Variants in ZNF207 observed in about 807,000 individuals in gnomAD.
ZNF207 encodes zinc finger protein 207, also known as BUB3-interacting and GLEBS motif-containing protein ZNF207.
Under a neutral mutation model 60.2 loss-of-function variants are expected in ZNF207, and 24 were observed. The observed-to-expected ratio is 0.40, with a 90% CI of 0.29 to 0.56. The LOEUF (loss-of-function observed/expected upper bound fraction) is 0.56, where lower values mean the gene tolerates loss of function less well. ZNF207 is among the 20% of genes least tolerant of loss of function. The pLI is 0.49. For synonymous variants in ZNF207, 236 were observed against 194.7 expected (o/e 1.21, Z -1.77); for missense variants, 452 against 636.6 (o/e 0.71, Z 3.12).
At position 32,378,994 on chromosome 17, in the gene ZNF207, A is replaced by G. The variant is rs1227543203; in HGVS notation, c.*9235A>G. 6.6e-6 allele frequency: 1 copy of G among 152,148 alleles called. No individual in the cohort carries two copies. Among genetic ancestry groups the G allele is most frequent in the Non-Finnish European group, 1.5e-5 (1 of 67,964 alleles). The allele number at this position is 152,148 out of a possible 1,614,324, so 9.4% of individuals were successfully genotyped here. A position where few individuals can be genotyped will look rare whatever the true frequency, so the allele number is the denominator to read the frequency against. On this transcript the variant is annotated 3_prime_UTR_variant, in exon 12 of 12. Transcript: ENST00000394670. ...GATGGTGATTAGCCATTGTGAAAAC[A>G]GATTATATGGAAATTGTGCATATTG... is the stretch of plus-strand genomic sequence containing the variant.
In ZNF207 at chr17:32,357,335, TATTATTA is replaced by T. The variant is rs1567815503; in HGVS notation, c.169-1167_169-1161del. ...TAATTATTATTATTATTATTATTAT[TATTATTA>T]TTATTATTATTTTTTTTTTTTTTTG... is the stretch of plus-strand genomic sequence containing the variant. On this transcript the variant is annotated intron_variant, in intron 2 of 11. Transcript: ENST00000394670. 2.2e-4 allele frequency among the ~76,000 whole-genome samples: 20 copies of T among 92,858 alleles called. 1 individual carries two copies. The highest frequency in any genetic ancestry group is 9.7e-4 in the South Asian group (3 of 3,094). 60.9% of individuals were successfully genotyped at this position (92,858 alleles called of 152,430 possible).
rs909523887 is a variant in ZNF207 at position 32,375,154 on chromosome 17, T to C, written c.*5395T>C. 4.6e-5 allele frequency: 7 copies of C among 152,346 alleles called. No individual in the cohort carries two copies. Among genetic ancestry groups the C allele is most frequent in the Admixed American group, 4.6e-4 (7 of 15,300 alleles). The allele number at this position is 152,346 out of a possible 1,614,324, so 9.4% of individuals were successfully genotyped here. ...TTCTTGGAAGCATAAAGAAAAAATA[T>C]GCATTAAATGAATTGTAAATTTTGA... On this transcript the variant is annotated 3_prime_UTR_variant, in exon 12 of 12. Coordinates refer to ENST00000394670, the MANE Select transcript of ZNF207 (RefSeq NM_001098507.2).
At position 32,352,810 on chromosome 17, in the gene ZNF207, C is replaced by T. The variant is rs542648125; in HGVS notation, c.168+898C>T. On this transcript the variant is annotated intron_variant, in intron 2 of 11. Coordinates refer to ENST00000394670, the MANE Select transcript of ZNF207 (RefSeq NM_001098507.2). Reference sequence around the variant, plus strand: ...TCCTGGGTTCTAGCCGTCTTCCTGCCTCGTTCTCCCAAAGCCCTGGGATTA... The same window carrying T: ...TCCTGGGTTCTAGCCGTCTTCCTGCTTCGTTCTCCCAAAGCCCTGGGATTA... Among the ~76,000 whole-genome samples, 271 of 152,356 alleles carry T rather than the reference C, an allele frequency of 1.8e-3. 1 individual carries two copies. The highest frequency in any genetic ancestry group is 6.2e-3 in the African/African-American group (258 of 41,578).
At chr17:32,352,236 C>T (rs1411153567) in intron 2 of ZNF207, among the ~76,000 whole-genome samples, 1 of 152,110 alleles carries the variant, frequency 6.6e-6, no homozygotes, top group Non-Finnish European at 1.5e-5. Flanking sequence ...TCCCAGAGTG[C>T]TGGGATTACA....
chr17:32,367,231 G>T (rs1905203552), intron 9 of ZNF207, among the ~76,000 whole-genome samples: 2 of 65,028 alleles, frequency 3.1e-5, no homozygotes, highest in East Asian at 3.6e-4. Context: ...TTGTTAATTT[G>T]GAGGGGATTA....
rs867501101 is a variant in ZNF207 at position 32,371,349 on chromosome 17, T to C, written c.*1590T>C. 2.0e-5 allele frequency: 3 copies of C among 152,328 alleles called. No homozygotes were observed. The highest frequency in any genetic ancestry group is 2.1e-4 in the South Asian group (1 of 4,828). 9.4% of individuals were successfully genotyped at this position (152,328 alleles called of 1,614,324 possible). A position where few individuals can be genotyped will look rare whatever the true frequency, so the allele number is the denominator to read the frequency against. On this transcript the variant is annotated 3_prime_UTR_variant, in exon 12 of 12. Transcript: ENST00000394670. Reference sequence around the variant, plus strand: ...AGGGCTTTAACTTTGAAGGAAAATATATTGAAAAGTGATTTAGCCATCACA... The same window carrying C: ...AGGGCTTTAACTTTGAAGGAAAATACATTGAAAAGTGATTTAGCCATCACA...
In ZNF207 at chr17:32,377,600, C is replaced by T. The variant is rs1412054630; in HGVS notation, c.*7841C>T. On this transcript the variant is annotated 3_prime_UTR_variant, in exon 12 of 12. Coordinates refer to ENST00000394670, the MANE Select transcript of ZNF207 (RefSeq NM_001098507.2). ...TTGCTTGTCTTTGGGGGTATGTCTA[C>T]ATATTCGTTTAAATTTAGAAATTCC... The T allele has an allele frequency of 6.6e-6, 1 of 151,888 alleles. No individual in the cohort carries two copies. The highest frequency in any genetic ancestry group is 2.4e-5 in the African/African-American group (1 of 41,398). 9.4% of individuals were successfully genotyped at this position (151,888 alleles called of 1,614,324 possible). A position where few individuals can be genotyped will look rare whatever the true frequency, so the allele number is the denominator to read the frequency against.
At chr17:32,361,979 T>C (rs1207407440) in intron 6 of ZNF207, among the ~76,000 whole-genome samples, 1 of 152,134 alleles carries the variant, frequency 6.6e-6, no homozygotes, top group South Asian at 2.1e-4. Flanking sequence ...GACACTGATA[T>C]TTGAAGGTGA....
intron 6 of ZNF207, chr17:32,362,630 G>T (rs1904949878): frequency 7.5e-6 from 2 of 268,080 alleles, no homozygotes. Flanking sequence ...TTTAGATGAG[G>T]CCTCTTGTAC....
intron 7 of ZNF207, among the ~76,000 whole-genome samples, chr17:32,363,529 CTTTT>C (rs746944466): frequency 1.4e-3 from 95 of 69,572 alleles, no homozygotes; most frequent in Non-Finnish European, 1.2e-3. Context: ...ATCCAACAAA[CTTTT>C]TTTTTTTTTT....
intron 1 of ZNF207, 52 bp downstream of exon 1, chr17:32,350,378 G>T: frequency 1.2e-6 from 2 of 1,611,770 alleles, no homozygotes; most frequent in Non-Finnish European, 1.7e-6. Flanking sequence ...CGGTTGTTGG[G>T]GCCTGGGACT....
rs1905716429 is a variant in ZNF207 at position 32,377,475 on chromosome 17, A to G, written c.*7716A>G. On this transcript the variant is annotated 3_prime_UTR_variant, in exon 12 of 12. Coordinates refer to ENST00000394670, the MANE Select transcript of ZNF207 (RefSeq NM_001098507.2). ...TTTACCTGTTCGCTTATTCAAAGAG[A>G]AACAATAGAATTTGCTTCTCAGTAC... 1 of 151,986 alleles carries G rather than the reference A, an allele frequency of 6.6e-6. No homozygotes were observed. The highest frequency in any genetic ancestry group is 2.4e-5 in the African/African-American group (1 of 41,434). The allele number at this position is 151,986 out of a possible 1,614,324, so 9.4% of individuals were successfully genotyped here.
At chr17:32,365,517 C>G in intron 8 of ZNF207, 30 bp downstream of exon 8, 1 of 1,607,734 alleles carries the variant, frequency 6.2e-7, no homozygotes, top group Non-Finnish European at 8.5e-7. Flanking sequence ...AAGGAGTGCA[C>G]TTATATTTAA....
Position 32,369,611 on chromosome 17 carries a change from G to T in ZNF207, c.1337G>T (p.Gly446Val). The change falls in exon 12 of 12, where the codon GGT becomes GTT. Residue 446 changes from glycine (G) to valine (V), a missense_variant. Coordinates refer to ENST00000394670, the MANE Select transcript of ZNF207 (RefSeq NM_001098507.2). ...PPMPPHGQYG[G>V]HHQGMPGYLP... ...TTCTTGATTTTAGGTCAGTATGGTG[G>T]TCATCATCAAGGCATGCCAGGATAC... 6.4e-7 allele frequency: 1 copy of T among 1,567,478 alleles called. No homozygotes were observed. Among genetic ancestry groups the T allele is most frequent in the South Asian group, 1.2e-5 (1 of 83,434 alleles).
intron 7 of ZNF207, among the ~76,000 whole-genome samples, chr17:32,363,652 C>T (rs1905013750): frequency 6.7e-6 from 1 of 149,832 alleles, no homozygotes; most frequent in South Asian, 2.1e-4. Context: ...CTGCCTCAGC[C>T]TCCCGAGTAG....
chr17:32,363,156 C>T (rs907504126), intron 7 of ZNF207, among the ~76,000 whole-genome samples, 172 bp downstream of exon 7: 8 of 152,156 alleles, frequency 5.3e-5, no homozygotes, highest in South Asian at 2.1e-4. Context: ...GTAGATATCT[C>T]GGCTCACTGC....
chr17:32,376,854 G>A lies in ZNF207; in HGVS notation c.*7095G>A, dbSNP rs1905693198. ...AACCCACCCATTAATTCTAAATGAT[G>A]TAATGGTCTATAAGGTAGTAATCTG... On this transcript the variant is annotated 3_prime_UTR_variant, in exon 12 of 12. Transcript: ENST00000394670. The A allele has an allele frequency of 6.6e-6, 1 of 152,058 alleles. No homozygotes were observed. The highest frequency in any genetic ancestry group is 1.5e-5 in the Non-Finnish European group (1 of 67,906). The allele number at this position is 152,058 out of a possible 1,614,324, so 9.4% of individuals were successfully genotyped here.
chr17:32,371,740 T>C lies in ZNF207; in HGVS notation c.*1981T>C, dbSNP rs946431155. On this transcript the variant is annotated 3_prime_UTR_variant, in exon 12 of 12. Transcript: ENST00000394670. ...GAGCGAGACTCTGTCAAAAAATAAA[T>C]TAAAATATCTGATTATCTGGCTTCA... 4 of 152,186 alleles carry C rather than the reference T, an allele frequency of 2.6e-5. No individual in the cohort carries two copies. Among genetic ancestry groups the C allele is most frequent in the African/African-American group, 9.7e-5 (4 of 41,444 alleles). The allele number at this position is 152,186 out of a possible 1,614,324, so 9.4% of individuals were successfully genotyped here.
In ZNF207 at chr17:32,374,379, G is replaced by C. The variant is rs1053529589; in HGVS notation, c.*4620G>C. Reference sequence around the variant, plus strand: ...ACTACAGGTGCTTGCCACCACACCCGGCTAATTTTTTGTATTTTTAGTAGA... The same window carrying C: ...ACTACAGGTGCTTGCCACCACACCCCGCTAATTTTTTGTATTTTTAGTAGA... On this transcript the variant is annotated 3_prime_UTR_variant, in exon 12 of 12. Transcript: ENST00000394670. 2 of 151,870 alleles carry C rather than the reference G, an allele frequency of 1.3e-5. No individual in the cohort carries two copies. Among genetic ancestry groups the C allele is most frequent in the African/African-American group, 4.8e-5 (2 of 41,378 alleles). 9.4% of individuals were successfully genotyped at this position (151,870 alleles called of 1,614,324 possible). A position where few individuals can be genotyped will look rare whatever the true frequency, so the allele number is the denominator to read the frequency against.
Sources: gnomAD v4.1 joint callset for allele counts (sites outside exome capture counted in the v4.1 genomes callset) on GRCh38, gnomAD v4.1.1 for gene constraint, MANE v1.5 for transcripts, NCBI Gene and HGNC (gene_info 2026-07-23, HGNC 2026-07-21) for gene names.